CAST: variants seen among roughly 807,000 people sequenced by gnomAD.
CAST encodes the protein MIR583 host.
A neutral mutation model predicts 119.6 loss-of-function variants in CAST; 76 were observed. That is an observed-to-expected ratio of 0.64 (90% CI 0.53 to 0.77). CAST has a LOEUF of 0.77. Among genes scored for constraint, CAST ranks in the 30% least tolerant of loss-of-function variants. The pLI is 0.00. For missense variants in CAST, 953 were observed against 946.5 expected, an observed-to-expected ratio of 1.01 and a Z score of -0.09; for synonymous variants, 319 against 331.6, an observed-to-expected ratio of 0.96 and a Z score of 0.41.
At chr5:96,192,930 G>A in the CAST span, among the ~76,000 whole-genome samples, 12 of 126,462 alleles carry the variant, frequency 9.5e-5, no homozygotes, top group Admixed American at 6.2e-4. Context: ...CATGTTTGTC[G>A]TAAGCCACTG....
At chr5:96,173,898 C>T in the CAST span, among the ~76,000 whole-genome samples, 51,728 of 151,814 alleles carry the variant, frequency 0.34, 9,015 homozygotes, top group Admixed American at 0.42. Flanking sequence ...CCCGCCACCA[C>T]GCCCGGCTAA....
At chr5:96,355,922 G>A in the CAST span, among the ~76,000 whole-genome samples, 2 of 152,002 alleles carry the variant, frequency 1.3e-5, no homozygotes, top group African/African-American at 4.8e-5. Flanking sequence ...GGATGTTCTC[G>A]ATCCCTTGAC....
the CAST span, chr5:96,412,463 G>T: frequency 6.2e-7 from 1 of 1,613,932 alleles, no homozygotes; most frequent in Non-Finnish European, 8.5e-7. Context: ...AATAGCATCC[G>T]TCACAATGCC....
chr5:96,269,817 A>G, the CAST span, among the ~76,000 whole-genome samples: 1 of 152,200 alleles, frequency 6.6e-6, no homozygotes, highest in Non-Finnish European at 1.5e-5. Flanking sequence ...AGTTACACAA[A>G]ACATTTAAAG....
At chr5:96,515,627 C>T in the CAST span, among the ~76,000 whole-genome samples, 1 of 152,080 alleles carries the variant, frequency 6.6e-6, no homozygotes, top group Non-Finnish European at 1.5e-5. Flanking sequence ...TTCAGTTCCA[C>T]TCTGCATTTT....
At chr5:96,762,746 T>TAC (rs1768439222) in intron 25 of CAST, 1 of 251,656 alleles carries the variant, frequency 4.0e-6, no homozygotes, top group East Asian at 8.4e-5. Context: ...TTCTATAATT[T>TAC]ACTACCCATT....
the CAST span, among the ~76,000 whole-genome samples, chr5:96,166,600 G>A: frequency 1.3e-5 from 2 of 152,092 alleles, no homozygotes; most frequent in African/African-American, 4.8e-5. Context: ...CATATTTAAT[G>A]ATTGAATTTA....
chr5:96,081,417 A>G, the CAST span, among the ~76,000 whole-genome samples: 1 of 152,158 alleles, frequency 6.6e-6, no homozygotes, highest in Non-Finnish European at 1.5e-5. Context: ...TCAGAGAACG[A>G]TATTCTTGTG....
the CAST span, chr5:96,412,512 G>A: frequency 1.4e-5 from 22 of 1,608,376 alleles, no homozygotes; most frequent in Non-Finnish European, 1.8e-5. Flanking sequence ...AATAAACAAA[G>A]ACACACAAAG....
chr5:96,672,432 G>A (rs893652752), intron 1 of CAST, among the ~76,000 whole-genome samples: 5 of 152,104 alleles, frequency 3.3e-5, no homozygotes, highest in South Asian at 2.1e-4. Context: ...GAACTGGGCC[G>A]GGAGCGGTGG....
At position 96,697,411 on chromosome 5, in the gene CAST, G is replaced by C. The variant is rs143196174; in HGVS notation, c.210+1504G>C. Among the ~76,000 whole-genome samples the C allele has an allele frequency of 1.0e-3, 155 of 152,176 alleles. 1 individual carries two copies. Among genetic ancestry groups the C allele is most frequent in the African/African-American group, 3.7e-3 (152 of 41,522 alleles). ...ACTCAGAGTTCTGACTGCTCTCCAA[G>C]TCCCTGATGGTGCCCAAACCAATAA... On this transcript the variant is annotated intron_variant, in intron 3 of 31. Transcript: ENST00000675179.
chr5:96,051,581 CT>C, the CAST span, among the ~76,000 whole-genome samples: 46 of 152,186 alleles, frequency 3.0e-4, no homozygotes, highest in African/African-American at 1.1e-3. Flanking sequence ...AAGTTCTCCC[CT>C]AGGGCACTTT....
the CAST span, among the ~76,000 whole-genome samples, chr5:96,336,123 A>C: frequency 7.9e-5 from 12 of 152,168 alleles, no homozygotes; most frequent in African/African-American, 2.9e-4. Flanking sequence ...TACACAAGGA[A>C]ATTCAACCTC....
chr5:96,353,846 A>G, the CAST span, among the ~76,000 whole-genome samples: 2 of 152,278 alleles, frequency 1.3e-5, no homozygotes, highest in African/African-American at 2.4e-5. Context: ...GCATGAGCCA[A>G]TTCTCATAAT....
chr5:96,662,885 C>A (rs1173083424), intron 1 of CAST: 10 of 570,854 alleles, frequency 1.8e-5, no homozygotes, highest in Non-Finnish European at 3.1e-5. Context: ...GGCCGCAGGG[C>A]GTGGCTGCCT....
the CAST span, among the ~76,000 whole-genome samples, chr5:96,453,786 AAAATCTT>A: frequency 6.6e-6 from 1 of 152,164 alleles, no homozygotes; most frequent in African/African-American, 2.4e-5. Context: ...GCATCAAGTA[AAAATCTT>A]AAATCTTAAA....
the CAST span, among the ~76,000 whole-genome samples, chr5:96,095,819 TA>T: frequency 6.0e-5 from 9 of 151,214 alleles, no homozygotes; most frequent in Admixed American, 2.0e-4. Context: ...GACATAACAT[TA>T]AAAAAAAATC....
the CAST span, among the ~76,000 whole-genome samples, chr5:96,356,176 A>G: frequency 3.3e-5 from 5 of 151,964 alleles, no homozygotes; most frequent in African/African-American, 1.2e-4. Context: ...CCACTTTTTG[A>G]TGGGGTTATT....
chr5:96,645,281 G>A (rs888478590), intron 1 of CAST, among the ~76,000 whole-genome samples: 6 of 152,006 alleles, frequency 3.9e-5, no homozygotes, highest in Non-Finnish European at 7.4e-5. Flanking sequence ...GTGCTAAAGC[G>A]GCCTTCTTGT....
Sources: allele counts gnomAD v4.1 joint callset (sites outside exome capture counted in the v4.1 genomes callset), GRCh38; gene constraint gnomAD v4.1.1; transcripts MANE v1.5; gene names NCBI Gene and HGNC (gene_info 2026-07-23, HGNC 2026-07-21).